Variants in NCEH1 observed in about 807,000 individuals in gnomAD.
NCEH1 encodes the protein neutral cholesterol ester hydrolase 1.
Under a neutral mutation model 25.4 loss-of-function variants are expected in NCEH1, and 9 were observed. The observed-to-expected ratio is 0.35, with a 90% CI of 0.21 to 0.62. The LOEUF is 0.62. Ranked by LOEUF, NCEH1 falls within the 20% of genes least tolerant of loss-of-function variation. NCEH1 has a pLI of 0.72. For missense variants in NCEH1, 412 were observed against 501.1 expected, an observed-to-expected ratio of 0.82 and a Z score of 1.70; for synonymous variants, 200 against 199.8, an observed-to-expected ratio of 1.00 and a Z score of -0.01.
chr3:172,645,821 G>A, intron 2 of NCEH1, 129 bp from the exon 3 acceptor site: 2 of 528,648 alleles, frequency 3.8e-6, no homozygotes, highest in Middle Eastern at 3.4e-4. Context: ...AAAAGCAAAT[G>A]TGAACAAATA....
chr3:172,686,434 A>T (rs1290068652), intron 1 of NCEH1, among the ~76,000 whole-genome samples: 1 of 152,238 alleles, frequency 6.6e-6, no homozygotes, highest in African/African-American at 2.4e-5. Context: ...AGATGTCCAC[A>T]TAGTGTGTAT....
intron 1 of NCEH1, among the ~76,000 whole-genome samples, chr3:172,688,761 T>G (rs901877946): frequency 6.6e-5 from 10 of 152,202 alleles, no homozygotes; most frequent in African/African-American, 2.4e-4. Context: ...AGGTGTCCAG[T>G]ACTGTGCTAA....
chr3:172,683,257 G>T (rs1712497967), intron 1 of NCEH1, among the ~76,000 whole-genome samples: 12 of 119,528 alleles, frequency 1.0e-4, no homozygotes, highest in Middle Eastern at 3.6e-3. Flanking sequence ...CAAAAAATTA[G>T]CCAGGCGTAG....
At chr3:172,653,726 T>C (rs1463345533) in intron 1 of NCEH1, among the ~76,000 whole-genome samples, 1 of 129,632 alleles carries the variant, frequency 7.7e-6, no homozygotes, top group Admixed American at 8.4e-5. Flanking sequence ...TTGTTGTTGT[T>C]GTTGTTCTGT....
At chr3:172,691,448 G>A (rs965418151) in intron 1 of NCEH1, among the ~76,000 whole-genome samples, 16 of 152,250 alleles carry the variant, frequency 1.1e-4, no homozygotes, top group African/African-American at 3.6e-4. Flanking sequence ...AGTGACTTTC[G>A]GTCACTCATC....
intron 1 of NCEH1, among the ~76,000 whole-genome samples, chr3:172,654,699 A>C (rs1717609107): frequency 6.6e-6 from 1 of 152,234 alleles, no homozygotes; most frequent in African/African-American, 2.4e-5. Flanking sequence ...TCAAGTTTCA[A>C]CATGAACCAG....
At chr3:172,675,748 T>C (rs1339909869) in intron 1 of NCEH1, among the ~76,000 whole-genome samples, 1 of 152,172 alleles carries the variant, frequency 6.6e-6, no homozygotes, top group Non-Finnish European at 1.5e-5. Context: ...AATGTTACTT[T>C]TATGTTAACG....
intron 1 of NCEH1, among the ~76,000 whole-genome samples, chr3:172,661,404 G>A (rs1717965129): frequency 6.6e-6 from 1 of 152,196 alleles, no homozygotes; most frequent in South Asian, 2.1e-4. Context: ...AAGTCAGGTA[G>A]CATGATGCCT....
At chr3:172,636,554 TAATA>T (rs1041031796) in intron 3 of NCEH1, among the ~76,000 whole-genome samples, 5 of 152,220 alleles carry the variant, frequency 3.3e-5, no homozygotes, top group Non-Finnish European at 7.3e-5. Context: ...TTACTTCATA[TAATA>T]AAACTGTACT....
chr3:172,641,208 A>G (rs969565155), intron 3 of NCEH1, among the ~76,000 whole-genome samples: 2 of 147,896 alleles, frequency 1.4e-5, no homozygotes, highest in Non-Finnish European at 3.0e-5. Flanking sequence ...TAGATTGTAT[A>G]AATGAGGATA....
At chr3:172,693,121 C>T (rs59106395) in intron 1 of NCEH1, among the ~76,000 whole-genome samples, 17 of 152,184 alleles carry the variant, frequency 1.1e-4, no homozygotes, top group Admixed American at 1.1e-3. Flanking sequence ...TTGGGATTGT[C>T]TACATCTTGG....
intron 3 of NCEH1, among the ~76,000 whole-genome samples, chr3:172,644,183 G>GTGACTCTAGGGCTTTTGA (rs1717000744): frequency 1.3e-4 from 12 of 89,512 alleles, no homozygotes; most frequent in Admixed American, 2.5e-4. Flanking sequence ...AGGGCTTTGG[G>GTGACTCTAGGGCTTTTGA]GTGACTCTAG....
chr3:172,686,040 TCA>T (rs1301354361), intron 1 of NCEH1, among the ~76,000 whole-genome samples: 2 of 152,198 alleles, frequency 1.3e-5, no homozygotes, highest in African/African-American at 2.4e-5. Context: ...AATTCTCCTC[TCA>T]GAGATTCACA....
intron 4 of NCEH1, among the ~76,000 whole-genome samples, chr3:172,634,589 T>G (rs980091791): frequency 6.6e-6 from 1 of 152,104 alleles, no homozygotes; most frequent in African/African-American, 2.4e-5. Context: ...TCACGCTTGG[T>G]GAGACAGAAT....
At chr3:172,683,402 CAAAAAAAAAAAA>C (rs1165644401) in intron 1 of NCEH1, among the ~76,000 whole-genome samples, 1 of 15,690 alleles carries the variant, frequency 6.4e-5, no homozygotes, top group African/African-American at 2.2e-4. Context: ...GACTCCGTCT[CAAAAAAAAAAAA>C]AAAAAAAAAA....
intron 1 of NCEH1, among the ~76,000 whole-genome samples, chr3:172,697,089 TA>T (rs1384801607): frequency 2.0e-5 from 3 of 147,134 alleles, no homozygotes; most frequent in African/African-American, 7.4e-5. Flanking sequence ...CATGCCCAGC[TA>T]ATTTTTTTTT....
intron 1 of NCEH1, among the ~76,000 whole-genome samples, chr3:172,706,023 A>G (rs1051246888): frequency 1.3e-5 from 2 of 151,472 alleles, no homozygotes; most frequent in Non-Finnish European, 2.9e-5. Context: ...AAAAAAAAAA[A>G]AAAAAAAAAC....
chr3:172,656,094 G>A (rs1372280016), intron 1 of NCEH1, among the ~76,000 whole-genome samples: 2 of 152,198 alleles, frequency 1.3e-5, no homozygotes, highest in Non-Finnish European at 2.9e-5. Context: ...ATTAAGGACA[G>A]TTTCATCCAA....
chr3:172,693,977 T>A (rs1486563909), intron 1 of NCEH1, among the ~76,000 whole-genome samples: 1 of 152,184 alleles, frequency 6.6e-6, no homozygotes, highest in African/African-American at 2.4e-5. Flanking sequence ...CACCACAGCC[T>A]CAAGCTCCTG....
Sources: gnomAD v4.1 joint callset for allele counts (sites outside exome capture counted in the v4.1 genomes callset) on GRCh38, gnomAD v4.1.1 for gene constraint, MANE v1.5 for transcripts, NCBI Gene and HGNC (gene_info 2026-07-23, HGNC 2026-07-21) for gene names.